CNTNAP2: variants seen among roughly 807,000 people sequenced by gnomAD.
CNTNAP2 encodes the protein contactin associated protein 2.
Under a neutral mutation model 155.2 loss-of-function variants are expected in CNTNAP2, and 98 were observed. That is an observed-to-expected ratio of 0.63 (90% confidence interval 0.54 to 0.75). The LOEUF (loss-of-function observed/expected upper bound fraction) is 0.75. Ranked by LOEUF, CNTNAP2 falls within the 30% of genes least tolerant of loss-of-function variation. The probability of loss-of-function intolerance (pLI) is 0.00; values close to 1 mark genes in which losing one functional copy is unlikely to be tolerated. For synonymous variants in CNTNAP2, 651 were observed against 631.2 expected (o/e 1.03, Z -0.47); for missense variants, 1,727 against 1,688.1 (o/e 1.02, Z -0.40).
Position 147,737,011 on chromosome 7 carries a change from T to G in CNTNAP2, c.2098+97705T>G, listed in dbSNP as rs377165197. ...ACAAGTTTGATCATCTGAAGCCTTC[T>G]TCTCTCAACTCATCAAAGTCATTCT... On this transcript the variant is annotated intron_variant, in intron 13 of 23. Transcript: ENST00000361727. Among the ~76,000 whole-genome samples, 63 of 152,356 alleles carry G rather than the reference T, an allele frequency of 4.1e-4. 1 individual carries two copies. The South Asian group carries it at 0.013, about 31-fold the overall frequency.
intron 13 of CNTNAP2, among the ~76,000 whole-genome samples, chr7:147,870,936 C>T (rs1266796960): frequency 1.3e-5 from 2 of 152,058 alleles, no homozygotes; most frequent in Non-Finnish European, 2.9e-5. Context: ...CCAAGCATCT[C>T]CCCCTACCCT....
At chr7:146,752,161 A>G (rs1020254206) in intron 1 of CNTNAP2, among the ~76,000 whole-genome samples, 9 of 152,154 alleles carry the variant, frequency 5.9e-5, no homozygotes, top group African/African-American at 9.7e-5. Context: ...TTGCTGGGTC[A>G]AATGGTATTT....
At chr7:147,772,371 C>T (rs1318072413) in intron 13 of CNTNAP2, among the ~76,000 whole-genome samples, 1 of 140,144 alleles carries the variant, frequency 7.1e-6, no homozygotes, top group African/African-American at 2.7e-5. Flanking sequence ...GAGCCGAGAT[C>T]GTGCCACAGC....
At chr7:147,010,035 A>G (rs1413571638) in intron 3 of CNTNAP2, among the ~76,000 whole-genome samples, 1 of 141,952 alleles carries the variant, frequency 7.0e-6, no homozygotes, top group African/African-American at 2.6e-5. Context: ...TTTGAGACAA[A>G]GTATTGCTCC....
chr7:146,500,583 A>G (rs1324800448), intron 1 of CNTNAP2, among the ~76,000 whole-genome samples: 1 of 152,166 alleles, frequency 6.6e-6, no homozygotes, highest in Admixed American at 6.6e-5. Flanking sequence ...GATAAAACAA[A>G]TGTAAGTTTC....
rs145012017 is a variant in CNTNAP2 at position 147,730,927 on chromosome 7, T to C, written c.2098+91621T>C. Among the ~76,000 whole-genome samples, 1,490 of 152,234 alleles carry C rather than the reference T, an allele frequency of 9.8e-3. 23 individuals are homozygous for C. The highest frequency in any genetic ancestry group is 0.034 in the African/African-American group (1,412 of 41,548). On this transcript the variant is annotated intron_variant, in intron 13 of 23. Transcript: ENST00000361727. The stretch of plus-strand genomic sequence containing the variant: ...ATGGAGAAAGTTTTGATGGTCTGCA[T>C]AGAACCAACCACAACATTCCCTTAA...
intron 8 of CNTNAP2, among the ~76,000 whole-genome samples, chr7:147,196,176 CA>C (rs1363402730): frequency 6.6e-6 from 1 of 152,114 alleles, no homozygotes; most frequent in Non-Finnish European, 1.5e-5. Flanking sequence ...CTTCTAGCCT[CA>C]AAAATCATAA....
intron 2 of CNTNAP2, among the ~76,000 whole-genome samples, chr7:146,822,288 A>G (rs1803301699): frequency 6.6e-6 from 1 of 152,104 alleles, no homozygotes; most frequent in African/African-American, 2.4e-5. Context: ...ACATGGACAC[A>G]GGAAGGGGAA....
At chr7:147,441,318 A>G (rs1024864041) in intron 10 of CNTNAP2, among the ~76,000 whole-genome samples, 2 of 151,846 alleles carry the variant, frequency 1.3e-5, no homozygotes, top group African/African-American at 2.4e-5. Flanking sequence ...AATTATCTCA[A>G]TCTTGTTGTT....
chr7:147,143,762 A>G (rs918826245), intron 8 of CNTNAP2, among the ~76,000 whole-genome samples: 1 of 152,210 alleles, frequency 6.6e-6, no homozygotes, highest in East Asian at 1.9e-4. Flanking sequence ...TGATACTTTT[A>G]TAATAAGAGA....
At chr7:146,373,655 GA>G (rs1246345483) in intron 1 of CNTNAP2, among the ~76,000 whole-genome samples, 2 of 151,804 alleles carry the variant, frequency 1.3e-5, no homozygotes, top group African/African-American at 4.8e-5. Flanking sequence ...AAGAATAAAG[GA>G]AAAAATAAAA....
intron 20 of CNTNAP2, among the ~76,000 whole-genome samples, chr7:148,235,347 C>T (rs1180823153): frequency 6.6e-6 from 1 of 152,144 alleles, no homozygotes; most frequent in Non-Finnish European, 1.5e-5. Flanking sequence ...AGAAAGGATA[C>T]AAATATTAGG....
At chr7:148,317,850 C>T (rs577482424) in intron 21 of CNTNAP2, among the ~76,000 whole-genome samples, 20 of 152,132 alleles carry the variant, frequency 1.3e-4, no homozygotes, top group Admixed American at 1.2e-3. Context: ...ACAGGCACCA[C>T]GCCCGGCTAA....
At chr7:147,806,377 T>C (rs943582646) in intron 13 of CNTNAP2, among the ~76,000 whole-genome samples, 4 of 152,274 alleles carry the variant, frequency 2.6e-5, no homozygotes, top group Non-Finnish European at 5.9e-5. Flanking sequence ...AGGGGAACAC[T>C]TGCCCACTGG....
chr7:146,832,455 G>A (rs187219941), intron 2 of CNTNAP2, among the ~76,000 whole-genome samples: 4 of 149,158 alleles, frequency 2.7e-5, no homozygotes, highest in African/African-American at 9.8e-5. Context: ...ATGTATAATT[G>A]ATATACATTA....
At chr7:146,578,906 A>G (rs755626696) in intron 1 of CNTNAP2, among the ~76,000 whole-genome samples, 9 of 152,126 alleles carry the variant, frequency 5.9e-5, no homozygotes, top group Non-Finnish European at 1.3e-4. Context: ...TCTATTTTCA[A>G]TAGTATGCTT....
chr7:147,753,115 C>A (rs1430049147), intron 13 of CNTNAP2, among the ~76,000 whole-genome samples: 1 of 152,192 alleles, frequency 6.6e-6, no homozygotes, highest in Non-Finnish European at 1.5e-5. Flanking sequence ...CATAGAGGTT[C>A]TTTCTCTTCT....
chr7:148,413,460 T>G (rs1799902370), intron 23 of CNTNAP2, among the ~76,000 whole-genome samples: 1 of 130,992 alleles, frequency 7.6e-6, no homozygotes, highest in Non-Finnish European at 1.6e-5. Flanking sequence ...CTCCATAGTT[T>G]TCTTGTAACA....
At chr7:147,303,666 A>T (rs1794981013) in intron 9 of CNTNAP2, among the ~76,000 whole-genome samples, 1 of 152,236 alleles carries the variant, frequency 6.6e-6, no homozygotes, top group Non-Finnish European at 1.5e-5. Context: ...TAATTAGTGG[A>T]TCCTTTAATA....
Sources: gnomAD v4.1 joint callset for allele counts (sites outside exome capture counted in the v4.1 genomes callset) on GRCh38, gnomAD v4.1.1 for gene constraint, MANE v1.5 for transcripts, NCBI Gene and HGNC (gene_info 2026-07-23, HGNC 2026-07-21) for gene names.